Variants in MROH9 observed in about 807,000 individuals in gnomAD.
MROH9 encodes the protein maestro heat like repeat family member 9.
In MROH9, 92 loss-of-function variants were observed where a neutral mutation model predicts 98.2. The observed-to-expected ratio is 0.94, with a 90% CI of 0.79 to 1.11. The LOEUF is 1.11. MROH9 is among the 50% of genes most tolerant of loss of function. MROH9 has a pLI of 0.00. For synonymous variants in MROH9, 397 were observed against 368.9 expected, an observed-to-expected ratio of 1.08 and a Z score of -0.87; for missense variants, 1,057 against 1,014.8, an observed-to-expected ratio of 1.04 and a Z score of -0.57.
At chr1:170,957,418 T>C (rs1649806524) in intron 3 of MROH9, among the ~76,000 whole-genome samples, 1 of 152,210 alleles carries the variant, frequency 6.6e-6, no homozygotes, top group Non-Finnish European at 1.5e-5. Flanking sequence ...CATCATTTAT[T>C]GAAGAGACTG....
intron 5 of MROH9, among the ~76,000 whole-genome samples, chr1:170,960,463 C>T (rs1458232610): frequency 6.6e-6 from 1 of 152,056 alleles, no homozygotes; most frequent in Non-Finnish European, 1.5e-5. Flanking sequence ...TCCAAATGCC[C>T]CATGTTTATT....
chr1:171,005,227 G>C (rs28817631), intron 15 of MROH9, among the ~76,000 whole-genome samples: 21,172 of 151,884 alleles, frequency 0.14, 1,652 homozygotes, highest in African/African-American at 0.21. Flanking sequence ...ACCATGCTTG[G>C]GTAATTTTTG....
intron 8 of MROH9, among the ~76,000 whole-genome samples, chr1:170,972,606 C>T (rs1189536510): frequency 2.6e-5 from 4 of 151,804 alleles, no homozygotes; most frequent in Non-Finnish European, 4.4e-5. Context: ...GTCAGGAGAT[C>T]GAGACCATCC....
intron 14 of MROH9, among the ~76,000 whole-genome samples, chr1:170,997,588 C>T (rs1055011125): frequency 6.6e-6 from 1 of 152,166 alleles, no homozygotes; most frequent in East Asian, 1.9e-4. Context: ...AAAATGGAAA[C>T]TTCCTCATGT....
chr1:170,978,237 G>A (rs1159767657), intron 8 of MROH9, among the ~76,000 whole-genome samples: 2 of 152,116 alleles, frequency 1.3e-5, no homozygotes, highest in African/African-American at 4.8e-5. Flanking sequence ...CAGGTGGAAA[G>A]ATTGGTCTCC....
Position 170,937,734 on chromosome 1 carries a change from G to A in MROH9, c.-38+2147G>A, listed in dbSNP as rs374805313. ...GAGACGGGGTTTCACCGTTTTAGCC[G>A]GGATGGTCTCGATCTCCTGACCTCG... On this transcript the variant is annotated intron_variant, in intron 1 of 21. Transcript: ENST00000367759. Among the ~76,000 whole-genome samples the A allele has an allele frequency of 9.5e-3, 1,434 of 151,632 alleles. 23 individuals are homozygous for A. Among genetic ancestry groups the A allele is most frequent in the African/African-American group, 0.033 (1,359 of 41,350 alleles).
intron 1 of MROH9, among the ~76,000 whole-genome samples, chr1:170,935,980 G>GAAAAA (rs1264755797): frequency 6.4e-5 from 1 of 15,748 alleles, no homozygotes; most frequent in East Asian, 2.2e-3. Context: ...AACAGAGTGA[G>GAAAAA]ACAAAAAAAA....
chr1:170,960,085 G>A (rs1649961268), intron 5 of MROH9, among the ~76,000 whole-genome samples: 1 of 152,158 alleles, frequency 6.6e-6, no homozygotes, highest in Non-Finnish European at 1.5e-5. Flanking sequence ...ACAACACTCA[G>A]ATGCAAAACT....
At chr1:170,953,386 T>C (rs1055904043) in intron 3 of MROH9, among the ~76,000 whole-genome samples, 13 of 151,444 alleles carry the variant, frequency 8.6e-5, no homozygotes, top group African/African-American at 2.7e-4. Flanking sequence ...TTGTGGGCCA[T>C]GGTTTCCGTG....
At chr1:170,947,231 G>A (rs1046184203) in intron 2 of MROH9, among the ~76,000 whole-genome samples, 4 of 151,916 alleles carry the variant, frequency 2.6e-5, no homozygotes, top group African/African-American at 4.8e-5. Context: ...AATTAATGTT[G>A]AGAATTGTAT....
chr1:171,048,400 C>T (rs940232560), intron 20 of MROH9, among the ~76,000 whole-genome samples: 1 of 152,082 alleles, frequency 6.6e-6, no homozygotes, highest in African/African-American at 2.4e-5. Context: ...TCTCCAAAGG[C>T]AGAGGAGCCT....
chr1:170,947,543 T>G lies in MROH9; in HGVS notation c.42T>G (p.Ile14Met), dbSNP rs781083915. The G allele has an allele frequency of 1.2e-6, 2 of 1,611,026 alleles. No homozygotes were observed. The highest frequency in any genetic ancestry group is 8.5e-7 in the Non-Finnish European group (1 of 1,177,844). The change falls in exon 3 of 22, where the codon ATT becomes ATG. Residue 14 changes from isoleucine to methionine, a missense_variant. By Grantham distance (10) the Ile-to-Met change is conservative. Coordinates refer to ENST00000367759, the MANE Select transcript of MROH9 (RefSeq NM_001163629.2). ...RNPKTKSSLQ[I>M]LQDSVKWHHM... ...TCTGGCTAGAGAGTAGTCTCCAGAT[T>G]CTGCAAGACAGTGTGAAATGGCACC...
chr1:170,972,613 A>G (rs1650502493), intron 8 of MROH9, among the ~76,000 whole-genome samples: 1 of 152,018 alleles, frequency 6.6e-6, no homozygotes, highest in Non-Finnish European at 1.5e-5. Flanking sequence ...GATCGAGACC[A>G]TCCTGGCTAA....
chr1:170,956,380 G>T (rs781379583), intron 3 of MROH9, among the ~76,000 whole-genome samples: 1 of 151,960 alleles, frequency 6.6e-6, no homozygotes, highest in African/African-American at 2.4e-5. Flanking sequence ...TATGGGGATT[G>T]CGTTGAATTT....
chr1:170,949,776 C>T (rs753444951), intron 3 of MROH9, among the ~76,000 whole-genome samples: 7 of 151,932 alleles, frequency 4.6e-5, no homozygotes, highest in East Asian at 1.9e-4. Flanking sequence ...GAACAAATCA[C>T]CAACAGGAAG....
chr1:170,983,414 C>G lies in MROH9; in HGVS notation c.617-8C>G. The G allele has an allele frequency of 6.3e-7, 1 of 1,574,856 alleles. No homozygotes were observed. Among genetic ancestry groups the G allele is most frequent in the Non-Finnish European group, 8.7e-7 (1 of 1,148,744 alleles). ...AACAACCTGAAACTCTTTTTCTTAA[C>G]AAAGCAGATATTGGAACAAATAAGC... On this transcript the variant is annotated splice_region_variant and splice_polypyrimidine_tract_variant and intron_variant, in intron 8 of 21. Transcript: ENST00000367759.
chr1:170,967,834 A>AT (rs142723484), intron 7 of MROH9, among the ~76,000 whole-genome samples: 12,157 of 152,160 alleles, frequency 0.08, 625 homozygotes, highest in Non-Finnish European at 0.11. Flanking sequence ...TAGCATTAAG[A>AT]TTTTTTTCCT....
At chr1:171,050,829 G>A (rs559000863) in intron 20 of MROH9, among the ~76,000 whole-genome samples, 10 of 152,222 alleles carry the variant, frequency 6.6e-5, no homozygotes, top group Middle Eastern at 6.8e-3. Flanking sequence ...TTATTATTTT[G>A]AGGTATGTTC....
intron 7 of MROH9, among the ~76,000 whole-genome samples, chr1:170,971,031 G>A (rs950914573): frequency 3.3e-5 from 5 of 152,038 alleles, no homozygotes; most frequent in African/African-American, 1.2e-4. Context: ...TGCAAAATTG[G>A]TAAAGGCCCT....
Sources: gnomAD v4.1 joint callset for allele counts (sites outside exome capture counted in the v4.1 genomes callset) on GRCh38, gnomAD v4.1.1 for gene constraint, MANE v1.5 for transcripts, NCBI Gene and HGNC (gene_info 2026-07-23, HGNC 2026-07-21) for gene names.